PLEKHA6: variants seen among roughly 807,000 people sequenced by gnomAD.
The protein encoded by PLEKHA6 is pleckstrin homology domain-containing family A member 6.
A neutral mutation model predicts 116.7 loss-of-function variants in PLEKHA6; 60 were observed. The ratio of observed to expected loss-of-function variants is 0.51; its 90% CI spans 0.42 to 0.64. The LOEUF (loss-of-function observed/expected upper bound fraction) is 0.64, where lower values mean the gene tolerates loss of function less well. Among genes scored for constraint, PLEKHA6 ranks in the 30% least tolerant of loss-of-function variants. The probability of loss-of-function intolerance (pLI) is 0.00; values close to 1 mark genes in which losing one functional copy is unlikely to be tolerated. For synonymous variants in PLEKHA6, 489 were observed against 556.1 expected, an observed-to-expected ratio of 0.88 and a Z score of 1.70; for missense variants, 1,338 against 1,422.7, an observed-to-expected ratio of 0.94 and a Z score of 0.96.
In PLEKHA6 at chr1:204,223,435, G is replaced by T; in HGVS notation, c.*8+27C>A. 1 of 1,285,992 alleles carries T rather than the reference G, an allele frequency of 7.8e-7. No homozygotes were observed. Among genetic ancestry groups the T allele is most frequent in the Non-Finnish European group, 1.1e-6 (1 of 904,094 alleles). 79.7% of individuals were successfully genotyped at this position (1,285,992 alleles called of 1,614,324 possible). ...AGGAAGGGGCCCCACTCCCGAGGTG[G>T]ATGAAATACAGTAGAAAAGTGCTTA... On this transcript the variant is annotated intron_variant, in intron 22 of 22. Coordinates refer to ENST00000272203, the MANE Select transcript of PLEKHA6 (RefSeq NM_014935.5). This position sits in a 1 kb window ranked among gnomAD's most constrained non-coding sequence, Gnocchi z 4.8.
chr1:204,340,927 G>T (rs1047437674), intron 1 of PLEKHA6, among the ~76,000 whole-genome samples: 3 of 152,236 alleles, frequency 2.0e-5, no homozygotes, highest in Non-Finnish European at 4.4e-5. Context: ...AGTCAGAGAT[G>T]ATTCTTTTGT....
At chr1:204,226,617 G>C (rs1203938152) in intron 21 of PLEKHA6, among the ~76,000 whole-genome samples, 1 of 152,068 alleles carries the variant, frequency 6.6e-6, no homozygotes, top group Non-Finnish European at 1.5e-5. Context: ...GCAGGATGGG[G>C]CTCTCTGAAG....
At chr1:204,266,487 C>T (rs1383322677) in intron 5 of PLEKHA6, among the ~76,000 whole-genome samples, 5 of 152,170 alleles carry the variant, frequency 3.3e-5, no homozygotes, top group Non-Finnish European at 7.3e-5. Context: ...GGCCCCGTAT[C>T]CTGGAGGTTC....
At position 204,248,044 on chromosome 1, in the gene PLEKHA6, G is replaced by A. The variant is rs113698143; in HGVS notation, c.1825-584C>T. On this transcript the variant is annotated intron_variant, in intron 12 of 22. Coordinates refer to ENST00000272203, the MANE Select transcript of PLEKHA6 (RefSeq NM_014935.5). ...GAGGTTAGAGAGCTTCCTCCTTTCC[G>A]AGCCACACTTTCACGGGGCTTTTTC... is the stretch of plus-strand genomic sequence containing the variant. Among the ~76,000 whole-genome samples, 150 of 152,114 alleles carry A rather than the reference G, an allele frequency of 9.9e-4. 1 individual carries two copies. The highest frequency in any genetic ancestry group is 3.5e-3 in the African/African-American group (146 of 41,486).
At chr1:204,283,650 C>T (rs1429077558) in intron 1 of PLEKHA6, among the ~76,000 whole-genome samples, 1 of 152,172 alleles carries the variant, frequency 6.6e-6, no homozygotes, top group African/African-American at 2.4e-5. Context: ...GCTCCCTGCC[C>T]CTAGGAAAGC....
intron 1 of PLEKHA6, chr1:204,282,860 CT>C: frequency 1.1e-6 from 1 of 951,256 alleles, no homozygotes; most frequent in Non-Finnish European, 1.3e-6. Context: ...CTGGGTTTTC[CT>C]CCTCTCAGCC....
At chr1:204,284,903 A>T (rs763790046) in intron 1 of PLEKHA6, among the ~76,000 whole-genome samples, 5 of 152,240 alleles carry the variant, frequency 3.3e-5, no homozygotes, top group Admixed American at 6.5e-5. Flanking sequence ...TGCCTGGCAC[A>T]TTGAGTTGTT....
intron 1 of PLEKHA6, among the ~76,000 whole-genome samples, chr1:204,344,914 G>A (rs917952682): frequency 2.0e-5 from 3 of 152,204 alleles, no homozygotes; most frequent in Non-Finnish European, 2.9e-5. Context: ...GGGTGTAAGA[G>A]TTCCATCATA....
chr1:204,321,499 G>A (rs899185648), intron 1 of PLEKHA6, among the ~76,000 whole-genome samples: 2 of 150,972 alleles, frequency 1.3e-5, no homozygotes, highest in Non-Finnish European at 2.9e-5. Context: ...TAGTTCCGGC[G>A]CCCATGCTTC....
intron 1 of PLEKHA6, among the ~76,000 whole-genome samples, chr1:204,352,116 G>A (rs546420444): frequency 7.9e-5 from 12 of 152,028 alleles, no homozygotes; most frequent in African/African-American, 2.9e-4. Flanking sequence ...GCTCACACCT[G>A]TAACCCCAGC....
In PLEKHA6 at chr1:204,257,663, T is replaced by C; in HGVS notation, c.1214A>G (p.Gln405Arg). 6.2e-7 allele frequency: 1 copy of C among 1,610,382 alleles called. No homozygotes were observed. The highest frequency in any genetic ancestry group is 8.5e-7 in the Non-Finnish European group (1 of 1,178,448). Residue 405 changes from glutamine to arginine, a missense_variant, in exon 9 of 23, where the codon CAG (glutamine) becomes CGG (arginine). Gln to Arg is a conservative substitution (Grantham distance 43). Coordinates refer to ENST00000272203, the MANE Select transcript of PLEKHA6 (RefSeq NM_014935.5). This position sits in a 1 kb window ranked among gnomAD's most constrained non-coding sequence, Gnocchi z 6.5. ...GGCGGGCTCCTTCCACTCTCGCAGC[T>C]GGTAGGCAGGGCCACCCCCATTGCG... ...AFRNGGGPAY[Q>R]LREWKEPASY...
chr1:204,266,344 C>T (rs1305367459), intron 5 of PLEKHA6, among the ~76,000 whole-genome samples: 1 of 152,168 alleles, frequency 6.6e-6, no homozygotes, highest in African/African-American at 2.4e-5. Context: ...TGAACAGTGG[C>T]CCCCATTTTG....
rs747843952 is a variant in PLEKHA6 at position 204,257,357 on chromosome 1, G to C, written c.1520C>G (p.Pro507Arg). Residue 507 changes from proline to arginine, a missense_variant, in exon 9 of 23, where the codon CCC becomes CGC. Physicochemically the swap from Pro to Arg is moderately radical, Grantham distance 103. Transcript: ENST00000272203. The surrounding 1 kb of genome is among the most constrained non-coding windows in gnomAD (Gnocchi z 6.5). ...AAGGGCAGGCTGGTGGCTCACCTTG[G>C]GGGAGCTGATGGATCGCCTCATCAC... is the stretch of plus-strand genomic sequence containing the variant. The part of the protein sequence containing the change: ...AYVMRRSISS[P>R]KVPPYPEVFR... 9 of 1,561,092 alleles carry C rather than the reference G, an allele frequency of 5.8e-6. No homozygotes were observed. The South Asian group carries it at 9.5e-5, about 16-fold the overall frequency.
At chr1:204,251,539 A>C (rs756101403) in intron 9 of PLEKHA6, 31 of 702,764 alleles carry the variant, frequency 4.4e-5, no homozygotes, top group South Asian at 4.3e-4. Context: ...ACTTGCATGA[A>C]GAGTTGGGAC....
At chr1:204,360,782 A>G (rs1179216244), upstream of PLEKHA6, among the ~76,000 whole-genome samples, 1 of 152,182 alleles carries the variant, frequency 6.6e-6, no homozygotes, top group Non-Finnish European at 1.5e-5. Context: ...CAAGGATGCT[A>G]GCCAAGCTAC....
rs770498167 is a variant in PLEKHA6, at chr1:204,230,555, T to G, written c.2441A>C (p.Glu814Ala). The change falls in exon 18 of 23, where the codon GAG (glutamate) becomes GCG (alanine). Residue 814 changes from glutamate (E) to alanine (A), a missense_variant. This residue lies in a region of PLEKHA6 where 1,136 missense variants were observed against 1,163.6 expected (regional missense o/e 0.98). Coordinates refer to ENST00000272203, the MANE Select transcript of PLEKHA6 (RefSeq NM_014935.5). ...ERPKSAVFPG[E>A]GKVKMSVEEQ... Reference sequence around the variant, plus strand: ...CTCCACGCTCATCTTGACCTTCCCCTCGCCAGGAAACACAGCACTCTTGGG... The same window carrying G: ...CTCCACGCTCATCTTGACCTTCCCCGCGCCAGGAAACACAGCACTCTTGGG... The G allele has an allele frequency of 1.9e-6, 3 of 1,604,294 alleles. No homozygotes were observed. Among genetic ancestry groups the G allele is most frequent in the Non-Finnish European group, 1.7e-6 (2 of 1,175,916 alleles).
intron 17 of PLEKHA6, among the ~76,000 whole-genome samples, chr1:204,234,240 C>G (rs1194234705): frequency 6.6e-6 from 1 of 152,148 alleles, no homozygotes; most frequent in African/African-American, 2.4e-5. Flanking sequence ...GCATCTACAA[C>G]CCAAGGAATG....
intron 1 of PLEKHA6, among the ~76,000 whole-genome samples, chr1:204,279,514 T>G (rs184475763): frequency 6.6e-6 from 1 of 152,356 alleles, no homozygotes; most frequent in East Asian, 1.9e-4. Flanking sequence ...CCTTTTGGGA[T>G]GTCAAAAGGC....
intron 1 of PLEKHA6, among the ~76,000 whole-genome samples, chr1:204,356,000 C>CA (rs199652785): frequency 0.077 from 3,690 of 47,720 alleles, 143 homozygotes; most frequent in African/African-American, 0.13. Flanking sequence ...CACACACACA[C>CA]AAAAAAAATC....
Sources: allele counts gnomAD v4.1 joint callset (sites outside exome capture counted in the v4.1 genomes callset), GRCh38; gene constraint gnomAD v4.1.1; regional missense constraint gnomAD v4.1.1; non-coding constraint Gnocchi (gnomAD v3.1); transcripts MANE v1.5; gene names NCBI Gene and HGNC (gene_info 2026-07-23, HGNC 2026-07-21).